PDE3B: variants seen among roughly 807,000 people sequenced by gnomAD.
PDE3B encodes phosphodiesterase 3B.
PDE3B carries 66 observed loss-of-function variants against 116.8 expected under a neutral mutation model. The ratio of observed to expected loss-of-function variants is 0.56; its 90% CI spans 0.46 to 0.69. The LOEUF (loss-of-function observed/expected upper bound fraction) is 0.69, where lower values mean the gene tolerates loss of function less well. Ranked by LOEUF, PDE3B falls within the 30% of genes least tolerant of loss-of-function variation. The probability of loss-of-function intolerance (pLI) is 0.00; values close to 1 mark genes in which losing one functional copy is unlikely to be tolerated. For synonymous variants in PDE3B, 595 were observed against 533.6 expected (o/e 1.12, Z -1.59); for missense variants, 1,384 against 1,368.1 (o/e 1.01, Z -0.18).
At chr11:14,700,988 A>G (rs912422895) in intron 1 of PDE3B, 3 of 151,646 alleles carry the variant, frequency 2.0e-5, no homozygotes, top group South Asian at 2.1e-4. Context: ...GATTTTGTTC[A>G]TTATGAGCAG....
At chr11:14,672,362 TA>T (rs578070314) in intron 1 of PDE3B, among the ~76,000 whole-genome samples, 2 of 152,100 alleles carry the variant, frequency 1.3e-5, no homozygotes, top group South Asian at 4.2e-4. Context: ...GAGATGGAAT[TA>T]AAAAAATACT....
Position 14,867,556 on chromosome 11 carries a change from T to C in PDE3B, c.2937T>C (p.Arg979=), listed in dbSNP as rs1248801518. ...LGLPISPFMD[R]SSPQLAKLQE... Reference sequence around the variant, plus strand: ...TGCCCATCAGTCCATTCATGGATCGTTCTTCTCCTCAACTAGCAAAACTCC... The same window carrying C: ...TGCCCATCAGTCCATTCATGGATCGCTCTTCTCCTCAACTAGCAAAACTCC... The change falls in exon 15 of 16, where the codon CGT becomes CGC. Residue 979 remains arginine (R), a synonymous_variant. Transcript: ENST00000282096. 1 of 1,613,942 alleles carries C rather than the reference T, an allele frequency of 6.2e-7. No homozygotes were observed. The highest frequency in any genetic ancestry group is 8.5e-7 in the Non-Finnish European group (1 of 1,179,940).
chr11:14,669,394 T>A (rs1388426300), intron 1 of PDE3B, among the ~76,000 whole-genome samples: 4 of 152,116 alleles, frequency 2.6e-5, no homozygotes, highest in African/African-American at 9.7e-5. Flanking sequence ...AAGAGTCTCC[T>A]GGGGCACTGA....
At chr11:14,788,232 G>A (rs1220978014) in intron 3 of PDE3B, among the ~76,000 whole-genome samples, 3 of 151,804 alleles carry the variant, frequency 2.0e-5, no homozygotes, top group African/African-American at 2.4e-5. Flanking sequence ...AAAGGGCAAA[G>A]GCATTTATTG....
intron 4 of PDE3B, among the ~76,000 whole-genome samples, chr11:14,795,256 C>A (rs1858516104): frequency 6.6e-6 from 1 of 152,216 alleles, no homozygotes; most frequent in South Asian, 2.1e-4. Context: ...CATCAGTCAA[C>A]TCATTAGCAT....
intron 1 of PDE3B, among the ~76,000 whole-genome samples, chr11:14,760,163 A>C (rs1857316209): frequency 6.6e-6 from 1 of 152,170 alleles, no homozygotes; most frequent in Non-Finnish European, 1.5e-5. Context: ...AGACTTGCTC[A>C]GCCACAGTTT....
At chr11:14,875,886 A>G (rs1848183419), downstream of PDE3B, among the ~76,000 whole-genome samples, 1 of 152,182 alleles carries the variant, frequency 6.6e-6, no homozygotes, top group South Asian at 2.1e-4. Context: ...CATCTTTTAT[A>G]ATTTGTCAGG....
chr11:14,858,853 A>C (rs1847895957), intron 12 of PDE3B, among the ~76,000 whole-genome samples, 190 bp from the exon 13 acceptor site: 1 of 152,198 alleles, frequency 6.6e-6, no homozygotes, highest in Non-Finnish European at 1.5e-5. Context: ...GGTGTATCTT[A>C]ACCTCTTTGT....
At chr11:14,869,266 A>G (rs1157243578) in intron 15 of PDE3B, among the ~76,000 whole-genome samples, 195 bp from the exon 16 acceptor site, 1 of 152,064 alleles carries the variant, frequency 6.6e-6, no homozygotes, top group African/African-American at 2.4e-5. Context: ...TCTTTCCACT[A>G]GAATCTGAAC....
intron 1 of PDE3B, among the ~76,000 whole-genome samples, chr11:14,696,802 C>G (rs1476401522): frequency 6.6e-6 from 1 of 152,052 alleles, no homozygotes; most frequent in Admixed American, 6.6e-5. Flanking sequence ...AACAAAAGTT[C>G]CTAGTTTTCA....
chr11:14,715,560 TTGTGTG>T (rs1224747087), intron 1 of PDE3B, among the ~76,000 whole-genome samples: 1 of 152,202 alleles, frequency 6.6e-6, no homozygotes, highest in African/African-American at 2.4e-5. Context: ...GGCTCTCTGT[TTGTGTG>T]TTATTGGTGT....
At chr11:14,778,597 T>G (rs1460648485) in intron 2 of PDE3B, among the ~76,000 whole-genome samples, 2 of 152,272 alleles carry the variant, frequency 1.3e-5, no homozygotes, top group Middle Eastern at 3.4e-3. Context: ...GACCTGCAGC[T>G]GAGGTTCCTG....
chr11:14,644,469 C>T lies in PDE3B; in HGVS notation c.394C>T (p.Leu132Phe). The change falls in exon 1 of 16, where the codon CTC becomes TTC. Residue 132 changes from leucine to phenylalanine, a missense_variant. By Grantham distance (22) the Leu-to-Phe change is conservative. Around this residue, in one of 2 missense-constraint regions of PDE3B, gnomAD observed 956 missense variants for 806.8 expected, o/e 1.18. Transcript: ENST00000282096. ...LFSIACAFFF[L>F]TCFLTRTKRG... ...CAGCATCGCCTGTGCCTTCTTCTTC[C>T]TCACCTGCTTCCTCACCCGGACCAA... 1.9e-6 allele frequency: 3 copies of T among 1,613,020 alleles called. No individual in the cohort carries two copies. Among genetic ancestry groups the T allele is most frequent in the Non-Finnish European group, 2.5e-6 (3 of 1,179,534 alleles).
intron 1 of PDE3B, among the ~76,000 whole-genome samples, chr11:14,661,746 G>A (rs1437780144): frequency 2.0e-5 from 3 of 152,218 alleles, no homozygotes; most frequent in Non-Finnish European, 4.4e-5. Flanking sequence ...CGGCAGTTAG[G>A]CTGGGGAAGG....
At chr11:14,750,079 C>T (rs919862033) in intron 1 of PDE3B, among the ~76,000 whole-genome samples, 2 of 150,976 alleles carry the variant, frequency 1.3e-5, no homozygotes, top group African/African-American at 2.4e-5. Flanking sequence ...TGTTGTAGCT[C>T]AAGCTGTCAG....
intron 12 of PDE3B, among the ~76,000 whole-genome samples, chr11:14,850,511 G>T (rs567334014): frequency 3.3e-5 from 5 of 151,606 alleles, no homozygotes; most frequent in African/African-American, 4.8e-5. Context: ...AAAAAAAAAA[G>T]ATTTCTGCTC....
Position 14,802,682 on chromosome 11 carries a change from C to G in PDE3B, c.1416-1262C>G, listed in dbSNP as rs139658148. Reference sequence around the variant, plus strand: ...CTCTTCTTTTCCAGTCTTTGCCACCCCACATGTAGGCAGTTGCCGGTATGA... The same window carrying G: ...CTCTTCTTTTCCAGTCTTTGCCACCGCACATGTAGGCAGTTGCCGGTATGA... On this transcript the variant is annotated intron_variant, in intron 4 of 15. Coordinates refer to ENST00000282096, the MANE Select transcript of PDE3B (RefSeq NM_000922.4). Among the ~76,000 whole-genome samples, 897 of 152,214 alleles carry G rather than the reference C, an allele frequency of 5.9e-3. 8 individuals are homozygous for G. The highest frequency in any genetic ancestry group is 5.7e-3 in the Non-Finnish European group (386 of 67,998).
intron 1 of PDE3B, among the ~76,000 whole-genome samples, chr11:14,735,403 T>G (rs909252584): frequency 3.3e-5 from 5 of 152,214 alleles, no homozygotes; most frequent in African/African-American, 1.2e-4. Context: ...AGAGGAATAC[T>G]GAAGAAATTA....
At chr11:14,781,504 A>G (rs1857999029) in intron 2 of PDE3B, among the ~76,000 whole-genome samples, 1 of 152,254 alleles carries the variant, frequency 6.6e-6, no homozygotes, top group Admixed American at 6.5e-5. Context: ...GGCTGGTTCA[A>G]CATACACAAA....
Sources: allele counts gnomAD v4.1 joint callset (sites outside exome capture counted in the v4.1 genomes callset), GRCh38; gene constraint gnomAD v4.1.1; regional missense constraint gnomAD v4.1.1; transcripts MANE v1.5; gene names NCBI Gene and HGNC (gene_info 2026-07-23, HGNC 2026-07-21).